Variants in IFT74 observed in about 807,000 individuals in gnomAD.
IFT74 encodes the protein intraflagellar transport 74.
Under a neutral mutation model 96.7 loss-of-function variants are expected in IFT74, and 92 were observed. That is an observed-to-expected ratio of 0.95 (90% CI 0.80 to 1.13). The LOEUF (loss-of-function observed/expected upper bound fraction) is 1.13, where lower values mean the gene tolerates loss of function less well. IFT74 is among the 50% of genes most tolerant of loss of function. The pLI, the probability that IFT74 is intolerant of heterozygous loss-of-function variation, is 0.00. For synonymous variants in IFT74, 223 were observed against 213.2 expected (o/e 1.05, Z -0.40); for missense variants, 811 against 698.2 (o/e 1.16, Z -1.82).
intron 15 of IFT74, 89 bp downstream of exon 15, chr9:27,047,460 A>G (rs375761775): frequency 5.4e-5 from 37 of 685,492 alleles, no homozygotes; most frequent in East Asian, 4.2e-4. Flanking sequence ...ACGGCTCACT[A>G]TTGTATCTTC....
At chr9:26,967,951 T>C (rs1013775588) in intron 2 of IFT74, among the ~76,000 whole-genome samples, 1 of 152,140 alleles carries the variant, frequency 6.6e-6, no homozygotes, top group Non-Finnish European at 1.5e-5. Flanking sequence ...TCATGACAAA[T>C]GATCTTTTTA....
chr9:27,002,681 G>C (rs1828564847), intron 8 of IFT74, among the ~76,000 whole-genome samples: 1 of 152,142 alleles, frequency 6.6e-6, no homozygotes, highest in Admixed American at 6.5e-5. Flanking sequence ...ATGCTGATTT[G>C]GTTACTATAG....
upstream of IFT74, among the ~76,000 whole-genome samples, chr9:26,954,405 T>C (rs935618046): frequency 6.6e-6 from 1 of 152,232 alleles, no homozygotes; most frequent in African/African-American, 2.4e-5. Flanking sequence ...ATTTACTCTC[T>C]GAAAGCTTTC....
At chr9:26,970,298 A>G (rs1826827890) in intron 2 of IFT74, among the ~76,000 whole-genome samples, 1 of 152,158 alleles carries the variant, frequency 6.6e-6, no homozygotes, top group African/African-American at 2.4e-5. Flanking sequence ...TTCCTATTGT[A>G]GGTATAACCA....
chr9:27,062,047 C>G (rs1453292324), intron 19 of IFT74, among the ~76,000 whole-genome samples: 1 of 152,144 alleles, frequency 6.6e-6, no homozygotes, highest in Non-Finnish European at 1.5e-5. Flanking sequence ...CATAGGTTCT[C>G]CCCCAGGGTG....
At position 26,980,576 on chromosome 9, in the gene IFT74, C is replaced by G; in HGVS notation, c.262C>G (p.Gln88Glu). The G allele has an allele frequency of 6.2e-7, 1 of 1,604,034 alleles. No homozygotes were observed. Among genetic ancestry groups the G allele is most frequent in the Non-Finnish European group, 8.5e-7 (1 of 1,171,268 alleles). ...CTTAAAACATTTTTTTTTAGGTCCC[C>G]AGAGGCAAATTTTAGACAAATCTTA... is the stretch of plus-strand genomic sequence containing the variant. ...TGMKTGTKGP[Q>E]RQILDKSYYL... The change falls in exon 4 of 20, where the codon CAG (glutamine) becomes GAG (glutamate). Residue 88 changes from glutamine (Q) to glutamate (E), a missense_variant. Transcript: ENST00000380062.
chr9:27,011,304 A>G (rs1047487549), intron 9 of IFT74, among the ~76,000 whole-genome samples: 1 of 152,204 alleles, frequency 6.6e-6, no homozygotes, highest in African/African-American at 2.4e-5. Context: ...ACCAAAATAT[A>G]GTTAATCTTG....
chr9:27,021,934 T>A (rs920586359), intron 12 of IFT74, among the ~76,000 whole-genome samples: 2 of 152,220 alleles, frequency 1.3e-5, no homozygotes, highest in Non-Finnish European at 2.9e-5. Flanking sequence ...GTTTTTCTGA[T>A]GTTATCTTCT....
upstream of IFT74, among the ~76,000 whole-genome samples, chr9:26,953,479 T>C (rs1181395674): frequency 5.3e-5 from 8 of 152,240 alleles, no homozygotes; most frequent in Non-Finnish European, 1.0e-4. Context: ...GAAGTGGAGT[T>C]ACTGGGTCAA....
chr9:26,947,112 A>C, exon 1 of IFT74: 1 of 1,409,984 alleles, frequency 7.1e-7, no homozygotes, highest in African/African-American at 1.5e-5. Context: ...GGCGACTCGG[A>C]GAGCGCCGGG....
At chr9:26,996,008 C>G (rs1828136264) in intron 8 of IFT74, among the ~76,000 whole-genome samples, 1 of 152,078 alleles carries the variant, frequency 6.6e-6, no homozygotes, top group Non-Finnish European at 1.5e-5. Flanking sequence ...TCTCTTTGTT[C>G]AAAATAGCTG....
intron 2 of IFT74, among the ~76,000 whole-genome samples, chr9:26,968,296 C>G (rs927096708): frequency 6.7e-5 from 10 of 149,964 alleles, no homozygotes; most frequent in African/African-American, 1.7e-4. Flanking sequence ...TAATCTCGCT[C>G]TGTTGCCCAG....
intron 14 of IFT74, among the ~76,000 whole-genome samples, chr9:27,045,530 A>G (rs1819662292): frequency 6.6e-6 from 1 of 151,990 alleles, no homozygotes; most frequent in African/African-American, 2.4e-5. Flanking sequence ...TTTTTCTATC[A>G]CCAGCTATAA....
chr9:27,024,817 A>C (rs1365001169), intron 12 of IFT74, among the ~76,000 whole-genome samples: 2 of 152,102 alleles, frequency 1.3e-5, no homozygotes, highest in Non-Finnish European at 2.9e-5. Context: ...TAAATAAAAA[A>C]ACAGTCACAA....
At chr9:26,948,448 A>ATTATTATTATTATTATTATTTTTTTTTTT (rs1825819541) in intron 1 of IFT74, among the ~76,000 whole-genome samples, 1 of 59,162 alleles carries the variant, frequency 1.7e-5, no homozygotes, top group Non-Finnish European at 3.8e-5. Context: ...GCTTTCCATT[A>ATTATTATTATTATTATTATTTTTTTTTTT]TTTTTTTTTT....
chr9:27,009,207 A>G (rs764837260), intron 9 of IFT74, 49 bp downstream of exon 9: 3 of 1,535,744 alleles, frequency 2.0e-6, no homozygotes, highest in East Asian at 2.3e-5. Context: ...TCTTGCTACT[A>G]AAAGTATAGT....
intron 12 of IFT74, among the ~76,000 whole-genome samples, chr9:27,019,946 A>G (rs1829518074): frequency 6.6e-6 from 1 of 151,790 alleles, no homozygotes; most frequent in African/African-American, 2.4e-5. Context: ...ACTACCAGTC[A>G]CCAGAAAGCA....
chr9:27,033,387 G>A (rs1266520287), intron 13 of IFT74, among the ~76,000 whole-genome samples: 1 of 151,708 alleles, frequency 6.6e-6, no homozygotes, highest in Non-Finnish European at 1.5e-5. Flanking sequence ...GCGAAAACCT[G>A]TCTCTACAAA....
chr9:27,027,791 A>G (rs773036405), intron 12 of IFT74, among the ~76,000 whole-genome samples: 13 of 152,042 alleles, frequency 8.6e-5, no homozygotes, highest in Non-Finnish European at 1.6e-4. Context: ...GTGTCTTTGG[A>G]AGCATAAAAG....
Sources: gnomAD v4.1 joint callset for allele counts (sites outside exome capture counted in the v4.1 genomes callset) on GRCh38, gnomAD v4.1.1 for gene constraint, MANE v1.5 for transcripts, NCBI Gene and HGNC (gene_info 2026-07-23, HGNC 2026-07-21) for gene names.